The following EIF3H variants were observed in gnomAD, a reference collection of about 807,000 sequenced individuals.
The protein encoded by EIF3H is eIF-3-gamma.
EIF3H carries 26 observed loss-of-function variants against 44.2 expected under a neutral mutation model. That is an observed-to-expected ratio of 0.59 (90% CI 0.43 to 0.82). The LOEUF is 0.82. EIF3H is among the 40% of genes least tolerant of loss of function. The probability of loss-of-function intolerance (pLI) is 0.00; values close to 1 mark genes in which losing one functional copy is unlikely to be tolerated. For missense variants in EIF3H, 359 were observed against 432.8 expected (o/e 0.83, Z 1.51); for synonymous variants, 166 against 151.9 (o/e 1.09, Z -0.68).
chr8:116,752,790 AG>A lies in EIF3H; in HGVS notation c.132+2875del, dbSNP rs1563663274. On this transcript the variant is annotated intron_variant, in intron 1 of 7. Transcript: ENST00000521861. ...GAGGGAGGGAGGGAGGGAGGGAGGGAGGGAGGGAAGGAAGGAAGGAAGGAAG... is the reference window on the plus strand; with the variant it reads ...GAGGGAGGGAGGGAGGGAGGGAGGGAGGAGGGAAGGAAGGAAGGAAGGAAG... Among the ~76,000 whole-genome samples the A allele has an allele frequency of 6.8e-4, 51 of 75,338 alleles. 3 individuals carry two copies. Among genetic ancestry groups the A allele is most frequent in the African/African-American group, 2.5e-3 (32 of 12,832 alleles). 49.4% of individuals were successfully genotyped at this position (75,338 alleles called of 152,430 possible). A position where few individuals can be genotyped will look rare whatever the true frequency, so the allele number is the denominator to read the frequency against.
intron 2 of EIF3H, among the ~76,000 whole-genome samples, chr8:116,669,537 T>C (rs990551335): frequency 6.6e-6 from 1 of 152,142 alleles, no homozygotes; most frequent in Non-Finnish European, 1.5e-5. Flanking sequence ...ATAGCTAAAG[T>C]AGGTTAAATA....
intron 2 of EIF3H, among the ~76,000 whole-genome samples, chr8:116,713,577 A>C (rs1009621735): frequency 2.0e-5 from 3 of 152,144 alleles, no homozygotes; most frequent in African/African-American, 7.2e-5. Context: ...GAAAGAACCA[A>C]AAAGCCATGA....
chr8:116,764,921 G>T (rs550510941), intron 1 of EIF3H, among the ~76,000 whole-genome samples: 3 of 152,104 alleles, frequency 2.0e-5, no homozygotes, highest in African/African-American at 2.4e-5. Flanking sequence ...ATAGAGCTTG[G>T]GGAAAAAATG....
chr8:116,655,752 G>A (rs1205785454), intron 5 of EIF3H, 104 bp downstream of exon 5: 21 of 1,247,994 alleles, frequency 1.7e-5, no homozygotes, highest in East Asian at 7.0e-5. Flanking sequence ...ACCTATAAAC[G>A]TTCTTAAGTA....
At chr8:116,761,167 A>G (rs183830404) in intron 1 of EIF3H, among the ~76,000 whole-genome samples, 301 of 152,344 alleles carry the variant, frequency 2.0e-3, no homozygotes, top group Non-Finnish European at 3.4e-3. Context: ...ATTTAAATTA[A>G]TGCCATTAAA....
intron 2 of EIF3H, among the ~76,000 whole-genome samples, chr8:116,712,408 G>A (rs1264983112): frequency 6.6e-6 from 1 of 151,960 alleles, no homozygotes; most frequent in Non-Finnish European, 1.5e-5. Context: ...AGATGTTAGA[G>A]GGCAAAAAAA....
chr8:116,681,615 G>A (rs1295755849), intron 2 of EIF3H, among the ~76,000 whole-genome samples: 8 of 144,876 alleles, frequency 5.5e-5, no homozygotes, highest in East Asian at 2.0e-4. Flanking sequence ...GTAGTGAGCC[G>A]AGATCGAGCC....
chr8:116,674,641 T>C (rs1813816319), intron 2 of EIF3H, among the ~76,000 whole-genome samples: 1 of 152,232 alleles, frequency 6.6e-6, no homozygotes, highest in African/African-American at 2.4e-5. Flanking sequence ...GAATATCTAG[T>C]AATGTGCACA....
At chr8:116,725,887 T>C in intron 2 of EIF3H, 129 bp downstream of exon 2, 1 of 1,099,692 alleles carries the variant, frequency 9.1e-7, no homozygotes, top group Non-Finnish European at 1.3e-6. Flanking sequence ...TCCCAAAGTA[T>C]CAGACATCAA....
chr8:116,743,791 T>TAC (rs1815174800), intron 1 of EIF3H, among the ~76,000 whole-genome samples: 2 of 93,284 alleles, frequency 2.1e-5, no homozygotes, highest in East Asian at 3.4e-4. Context: ...TATATATATA[T>TAC]ATATATAAAC....
intron 2 of EIF3H, among the ~76,000 whole-genome samples, chr8:116,691,237 T>C (rs1042427364): frequency 2.0e-5 from 3 of 152,188 alleles, no homozygotes; most frequent in Non-Finnish European, 4.4e-5. Context: ...GAAACACACA[T>C]ATACCACACT....
At chr8:116,699,107 C>T (rs903979760) in intron 2 of EIF3H, among the ~76,000 whole-genome samples, 2 of 151,040 alleles carry the variant, frequency 1.3e-5, no homozygotes, top group African/African-American at 4.9e-5. Context: ...TGAGACCATG[C>T]CCCAGCAACA....
At chr8:116,690,641 T>C (rs1418514629) in intron 2 of EIF3H, among the ~76,000 whole-genome samples, 1 of 152,230 alleles carries the variant, frequency 6.6e-6, no homozygotes, top group African/African-American at 2.4e-5. Flanking sequence ...CAGAATGTAC[T>C]AATCCTTGTA....
rs1248824078 is a variant in EIF3H at position 116,745,572 on chromosome 8, TA to T, written c.132+10093del. On this transcript the variant is annotated intron_variant, in intron 1 of 7. Coordinates refer to ENST00000521861, the MANE Select transcript of EIF3H (RefSeq NM_003756.3). ...TGAATTTCAATAAGGTGTCTGACCT[TA>T]ACAGAAAGGACCAATGGCCCAGGAT... Among the ~76,000 whole-genome samples, 4 of 152,284 alleles carry T rather than the reference TA, an allele frequency of 2.6e-5. No homozygotes were observed. In the East Asian group the frequency reaches 7.7e-4, roughly 29 times the overall value.
At chr8:116,760,074 C>A (rs1466123510), upstream of EIF3H, among the ~76,000 whole-genome samples, 1 of 152,134 alleles carries the variant, frequency 6.6e-6, no homozygotes, top group African/African-American at 2.4e-5. Context: ...TATATGCTAT[C>A]ATGGATCTGG....
intron 1 of EIF3H, chr8:116,737,226 G>A: frequency 2.3e-6 from 1 of 442,954 alleles, no homozygotes; most frequent in Non-Finnish European, 4.5e-6. Flanking sequence ...CATTTGAAAA[G>A]ATCTACGAAC....
At chr8:116,738,034 C>CAAAA (rs750259420) in intron 1 of EIF3H, among the ~76,000 whole-genome samples, 17 of 68,486 alleles carry the variant, frequency 2.5e-4, no homozygotes, top group East Asian at 1.9e-3. Context: ...GGCTCCATCT[C>CAAAA]AAAAAAAAAA....
intron 2 of EIF3H, among the ~76,000 whole-genome samples, chr8:116,693,903 G>C (rs925533795): frequency 1.3e-5 from 2 of 152,168 alleles, no homozygotes; most frequent in Non-Finnish European, 2.9e-5. Flanking sequence ...TTGGCCTCAA[G>C]AGATCCTTCT....
chr8:116,677,309 C>T (rs542918709), intron 2 of EIF3H, among the ~76,000 whole-genome samples: 2 of 151,596 alleles, frequency 1.3e-5, no homozygotes, highest in East Asian at 3.9e-4. Flanking sequence ...ACGTACTTTG[C>T]AATCAAATAC....
Sources: allele counts gnomAD v4.1 joint callset (sites outside exome capture counted in the v4.1 genomes callset), GRCh38; gene constraint gnomAD v4.1.1; transcripts MANE v1.5; gene names NCBI Gene and HGNC (gene_info 2026-07-23, HGNC 2026-07-21).